The following ANKFN1 variants were observed in gnomAD, a reference collection of about 807,000 sequenced individuals.
ANKFN1 encodes the protein ankyrin repeat and fibronectin type III domain containing 1, also known as ankyrin repeat and fibronectin type-III domain-containing protein 1.
Under a neutral mutation model 108.7 loss-of-function variants are expected in ANKFN1, and 74 were observed. That is an observed-to-expected ratio of 0.68 (90% CI 0.56 to 0.83). The LOEUF (loss-of-function observed/expected upper bound fraction) is 0.83, where lower values mean the gene tolerates loss of function less well. ANKFN1 is among the 40% of genes least tolerant of loss of function. The pLI, the probability that ANKFN1 is intolerant of heterozygous loss-of-function variation, is 0.00. For missense variants in ANKFN1, 1,505 were observed against 1,382.3 expected (o/e 1.09, Z -1.41); for synonymous variants, 547 against 516.2 (o/e 1.06, Z -0.81).
At chr17:56,266,882 G>GTGTTTT (rs112955867) in intron 3 of ANKFN1, among the ~76,000 whole-genome samples, 1 of 152,078 alleles carries the variant, frequency 6.6e-6, no homozygotes, top group African/African-American at 2.4e-5. Context: ...GTTTAGAGGA[G>GTGTTTT]TGTTTTTGTT....
intron 1 of ANKFN1, among the ~76,000 whole-genome samples, chr17:56,168,335 G>A (rs1190511213): frequency 6.6e-6 from 1 of 151,228 alleles, no homozygotes; most frequent in Non-Finnish European, 1.5e-5. Flanking sequence ...AGAATGAAAT[G>A]TAATAACCTC....
intron 4 of ANKFN1, among the ~76,000 whole-genome samples, chr17:56,133,112 T>A (rs1047311681): frequency 1.3e-5 from 2 of 152,186 alleles, no homozygotes; most frequent in Admixed American, 6.5e-5. Flanking sequence ...CCCAGGAAAG[T>A]CAACTCTCTG....
chr17:56,470,359 G>T (rs534307417), intron 15 of ANKFN1, among the ~76,000 whole-genome samples: 16 of 152,274 alleles, frequency 1.1e-4, no homozygotes, highest in African/African-American at 3.8e-4. Context: ...TTGAGGAATT[G>T]CCACACCATC....
chr17:56,226,849 A>G (rs1239778943), intron 2 of ANKFN1, among the ~76,000 whole-genome samples: 1 of 152,058 alleles, frequency 6.6e-6, no homozygotes, highest in Non-Finnish European at 1.5e-5. Flanking sequence ...TTATCTAACT[A>G]TTTTATATAT....
chr17:56,171,501 G>C (rs182695387), intron 1 of ANKFN1, among the ~76,000 whole-genome samples: 1 of 152,266 alleles, frequency 6.6e-6, no homozygotes, highest in East Asian at 1.9e-4. Context: ...AAGAAGTTGT[G>C]TTGTTTATCC....
At chr17:56,385,639 C>A (rs1459409988) in intron 8 of ANKFN1, among the ~76,000 whole-genome samples, 1 of 152,234 alleles carries the variant, frequency 6.6e-6, no homozygotes, top group Non-Finnish European at 1.5e-5. Context: ...AAACGAACAA[C>A]CCCATCAAAA....
chr17:56,150,372 C>A (rs544066127), upstream of ANKFN1, among the ~76,000 whole-genome samples: 7 of 152,306 alleles, frequency 4.6e-5, no homozygotes, highest in African/African-American at 1.7e-4. Context: ...GCAGCTGGAG[C>A]TGGGTTACCG....
rs1217233570 is a variant in ANKFN1 at position 56,227,963 on chromosome 17, T to C, written c.53+6T>C. On this transcript the variant is annotated splice_donor_region_variant and intron_variant, in intron 3 of 20. Transcript: ENST00000682825. Reference sequence around the variant, plus strand: ...CATTTTACTTGCAGCAAAATGTAAGTACATTTCCTCCTTGAAATGGTATCT... The same window carrying C: ...CATTTTACTTGCAGCAAAATGTAAGCACATTTCCTCCTTGAAATGGTATCT... 6.2e-7 allele frequency: 1 copy of C among 1,605,462 alleles called. No individual in the cohort carries two copies. Among genetic ancestry groups the C allele is most frequent in the Admixed American group, 1.7e-5 (1 of 58,572 alleles).
chr17:56,228,179 A>G (rs2143912846), intron 3 of ANKFN1: 1 of 481,534 alleles, frequency 2.1e-6, no homozygotes, highest in Admixed American at 4.1e-5. Flanking sequence ...TGACAATATT[A>G]CGTCTAAAGG....
intron 1 of ANKFN1, among the ~76,000 whole-genome samples, chr17:56,203,568 C>A (rs947854636): frequency 2.0e-5 from 3 of 152,196 alleles, no homozygotes; most frequent in African/African-American, 7.2e-5. Context: ...CATCTTGAGC[C>A]GGACTGGTTG....
chr17:56,050,301 C>CA (rs1015079663), intron 4 of ANKFN1, among the ~76,000 whole-genome samples: 218 of 149,666 alleles, frequency 1.5e-3, no homozygotes, highest in African/African-American at 5.2e-3. Context: ...AGCCCTTTGT[C>CA]AGATGAGTAG....
At chr17:56,427,677 A>G (rs2048613183) in intron 8 of ANKFN1, among the ~76,000 whole-genome samples, 1 of 152,092 alleles carries the variant, frequency 6.6e-6, no homozygotes, top group African/African-American at 2.4e-5. Context: ...GCGAAAGTCC[A>G]ATATCTCACA....
At chr17:56,392,095 T>G (rs2047457062) in intron 8 of ANKFN1, among the ~76,000 whole-genome samples, 1 of 152,164 alleles carries the variant, frequency 6.6e-6, no homozygotes, top group Non-Finnish European at 1.5e-5. Context: ...TCTTATGACT[T>G]TATATACATG....
intron 1 of ANKFN1, among the ~76,000 whole-genome samples, chr17:56,199,349 A>AT (rs1198967409): frequency 2.7e-5 from 4 of 150,860 alleles, no homozygotes; most frequent in Non-Finnish European, 4.4e-5. Context: ...CTATTCCAAC[A>AT]TTTTTTTCAG....
chr17:56,226,387 T>G (rs1415014585), intron 2 of ANKFN1, among the ~76,000 whole-genome samples: 1 of 152,172 alleles, frequency 6.6e-6, no homozygotes, highest in East Asian at 1.9e-4. Context: ...TTTAATAATT[T>G]AACAATTTGT....
intron 3 of ANKFN1, among the ~76,000 whole-genome samples, chr17:56,292,122 G>C (rs984124894): frequency 2.0e-5 from 3 of 152,162 alleles, no homozygotes; most frequent in African/African-American, 4.8e-5. Flanking sequence ...GGCATCATTT[G>C]TGCCTCCCTC....
At chr17:56,503,281 G>T (rs1278740085) in intron 20 of ANKFN1, among the ~76,000 whole-genome samples, 2 of 151,722 alleles carry the variant, frequency 1.3e-5, no homozygotes, top group South Asian at 2.1e-4. Context: ...TCCAGATGAT[G>T]TTAAGAGTAC....
At chr17:56,120,555 A>T in intron 4 of ANKFN1, among the ~76,000 whole-genome samples, 1 of 152,168 alleles carries the variant, frequency 6.6e-6, no homozygotes, top group East Asian at 1.9e-4. Flanking sequence ...CCTACCCAGG[A>T]AAAATGCCCA....
intron 1 of ANKFN1, among the ~76,000 whole-genome samples, chr17:56,188,518 A>C (rs938739879): frequency 1.4e-5 from 2 of 145,020 alleles, no homozygotes; most frequent in African/African-American, 5.1e-5. Context: ...ATTTCTTATT[A>C]TATATAAGAA....
Sources: allele counts gnomAD v4.1 joint callset (sites outside exome capture counted in the v4.1 genomes callset), GRCh38; gene constraint gnomAD v4.1.1; transcripts MANE v1.5; gene names NCBI Gene and HGNC (gene_info 2026-07-23, HGNC 2026-07-21).